The following PHF20 variants were observed in gnomAD, a reference collection of about 807,000 sequenced individuals.
PHF20 encodes glioma-expressed antigen 2.
PHF20 carries 23 observed loss-of-function variants against 113.5 expected under a neutral mutation model. That is an observed-to-expected ratio of 0.20 (90% CI 0.15 to 0.29). The LOEUF is 0.29. Ranked by LOEUF, PHF20 falls within the 10% of genes least tolerant of loss-of-function variation. PHF20 has a pLI of 1.00. For synonymous variants in PHF20, 434 were observed against 457.3 expected, an observed-to-expected ratio of 0.95 and a Z score of 0.65; for missense variants, 943 against 1,219.6, an observed-to-expected ratio of 0.77 and a Z score of 3.38.
chr20:35,842,575 A>G lies in PHF20; in HGVS notation c.86A>G (p.Tyr29Cys). The G allele has an allele frequency of 6.2e-7, 1 of 1,607,612 alleles. No homozygotes were observed. The highest frequency in any genetic ancestry group is 8.5e-7 in the Non-Finnish European group (1 of 1,178,134). Reference protein sequence around the residue: ...LEARDRLKNWYPAHIEDIDYE... With the variant: ...LEARDRLKNWCPAHIEDIDYE... ...CAATTTTTTTTTTTCTGACTCAGGT[A>G]TCCAGCTCACATAGAAGACATTGAC... The change falls in exon 3 of 18, where the codon TAT (tyrosine) becomes TGT (cysteine). Residue 29 changes from tyrosine (Y) to cysteine (C), a missense_variant and splice_region_variant. This residue lies in a region of PHF20 where 592 missense variants were observed against 787.2 expected (regional missense o/e 0.75). Transcript: ENST00000374012.
At chr20:35,879,344 A>G (rs1372024354) in intron 9 of PHF20, among the ~76,000 whole-genome samples, 3 of 152,194 alleles carry the variant, frequency 2.0e-5, no homozygotes, top group Non-Finnish European at 4.4e-5. Context: ...TAACTTATGG[A>G]TTCTAGTTTA....
chr20:35,819,367 A>T (rs1166883386), intron 2 of PHF20, among the ~76,000 whole-genome samples: 1 of 152,128 alleles, frequency 6.6e-6, no homozygotes, highest in Non-Finnish European at 1.5e-5. Flanking sequence ...GTCATCTGTC[A>T]GGAGTGTGCC....
Position 35,898,345 on chromosome 20 carries a change from T to C in PHF20, c.1283-1025T>C, listed in dbSNP as rs117197004. Reference sequence around the variant, plus strand: ...TACTGAGGAATGTTCCCTATTTCCGTCCACACAGATAGGTACCAGGATGGT... The same window carrying C: ...TACTGAGGAATGTTCCCTATTTCCGCCCACACAGATAGGTACCAGGATGGT... On this transcript the variant is annotated intron_variant, in intron 9 of 17. Coordinates refer to ENST00000374012, the MANE Select transcript of PHF20 (RefSeq NM_016436.5). Among the ~76,000 whole-genome samples, 775 of 152,364 alleles carry C rather than the reference T, an allele frequency of 5.1e-3. 8 individuals are homozygous for C. Among genetic ancestry groups the C allele is most frequent in the Middle Eastern group, 0.01 (3 of 294 alleles).
rs753749754 is a variant in PHF20, at chr20:35,863,342, A to G, written c.750A>G (p.Gln250=). The change falls in exon 6 of 18, where the codon CAA becomes CAG. Residue 250 remains glutamine, a synonymous_variant. Transcript: ENST00000374012. ...KPENDIVKSP[Q]ENLREPKRKR... ...AAAATGACATTGTGAAGAGTCCACA[A>G]GAAAACTTGAGGGAACCCAAAAGAA... is the stretch of plus-strand genomic sequence containing the variant. 1.6e-5 allele frequency: 25 copies of G among 1,611,534 alleles called. No individual in the cohort carries two copies. Among genetic ancestry groups the G allele is most frequent in the Non-Finnish European group, 2.1e-5 (25 of 1,179,474 alleles).
chr20:35,890,533 G>T (rs1203554189), intron 9 of PHF20, among the ~76,000 whole-genome samples: 1 of 152,166 alleles, frequency 6.6e-6, no homozygotes, highest in Non-Finnish European at 1.5e-5. Flanking sequence ...CAACTGTGAG[G>T]TCAGTGACAA....
chr20:35,799,471 A>AT (rs2041735759), intron 1 of PHF20, among the ~76,000 whole-genome samples: 1 of 151,938 alleles, frequency 6.6e-6, no homozygotes, highest in East Asian at 1.9e-4. Context: ...GTCTAAAAAA[A>AT]ATTTTAAAAA....
At chr20:35,868,520 C>T (rs1209836929) in intron 6 of PHF20, among the ~76,000 whole-genome samples, 4 of 152,126 alleles carry the variant, frequency 2.6e-5, no homozygotes, top group South Asian at 2.1e-4. Flanking sequence ...GCAGGACAAT[C>T]ACTTGAACCC....
chr20:35,876,742 G>T (rs956018905), intron 9 of PHF20, among the ~76,000 whole-genome samples: 22 of 148,774 alleles, frequency 1.5e-4, no homozygotes, highest in African/African-American at 4.7e-4. Flanking sequence ...AGGCCAAGAC[G>T]GGCAGATCAC....
intron 1 of PHF20, among the ~76,000 whole-genome samples, chr20:35,776,102 C>G (rs1353032661): frequency 6.6e-6 from 1 of 152,202 alleles, no homozygotes; most frequent in African/African-American, 2.4e-5. Context: ...AGCTGCCATG[C>G]CTGGCTATTG....
At chr20:35,843,536 A>G (rs2042568836) in intron 3 of PHF20, among the ~76,000 whole-genome samples, 1 of 151,458 alleles carries the variant, frequency 6.6e-6, no homozygotes, top group South Asian at 2.1e-4. Flanking sequence ...AAAAAAAAAA[A>G]AAAAAAAGTG....
In PHF20 at chr20:35,899,583, C is replaced by T; in HGVS notation, c.1496C>T (p.Pro499Leu). 1.2e-6 allele frequency: 2 copies of T among 1,614,172 alleles called. No individual in the cohort carries two copies. Among genetic ancestry groups the T allele is most frequent in the South Asian group, 1.1e-5 (1 of 91,084 alleles). ...AAGAGGCATGTCCAAACCAGGGGCC[C>T]TTCAGCTTCAGACAAGCCCAGCCAG... ...PGKRHVQTRG[P>L]SASDKPSQET... is the part of the protein sequence containing the mutation. Residue 499 changes from proline to leucine, a missense_variant, in exon 10 of 18, where the codon CCT becomes CTT. By Grantham distance (98) the Pro-to-Leu change is moderately conservative (BLOSUM62 -3). This residue lies in a region of PHF20 where 592 missense variants were observed against 787.2 expected (regional missense o/e 0.75). Coordinates refer to ENST00000374012, the MANE Select transcript of PHF20 (RefSeq NM_016436.5).
chr20:35,806,584 C>A (rs750741886), intron 2 of PHF20, among the ~76,000 whole-genome samples: 2 of 152,124 alleles, frequency 1.3e-5, no homozygotes, highest in Non-Finnish European at 2.9e-5. Flanking sequence ...ATAGTCCATT[C>A]TTTCCCTATT....
At chr20:35,888,223 C>T (rs1262674672) in intron 9 of PHF20, among the ~76,000 whole-genome samples, 2 of 152,124 alleles carry the variant, frequency 1.3e-5, no homozygotes, top group African/African-American at 4.8e-5. Context: ...TCAGGTGACC[C>T]ACCCACCTTG....
intron 10 of PHF20, among the ~76,000 whole-genome samples, chr20:35,906,802 A>T (rs998778565): frequency 2.0e-5 from 3 of 152,138 alleles, no homozygotes; most frequent in African/African-American, 7.2e-5. Context: ...GAAGAAGTGG[A>T]GAAATAGTGT....
At chr20:35,947,350 GC>G in intron 17 of PHF20, 134 bp from the exon 18 acceptor site, 2 of 781,384 alleles carry the variant, frequency 2.6e-6, no homozygotes, top group South Asian at 4.6e-5. Flanking sequence ...TTCCTCCCTT[GC>G]CCCATGGAGG....
intron 9 of PHF20, among the ~76,000 whole-genome samples, chr20:35,887,247 T>G (rs1434895395): frequency 2.0e-5 from 3 of 152,174 alleles, no homozygotes; most frequent in African/African-American, 7.2e-5. Flanking sequence ...CTCTATATTA[T>G]CTATTGCTGT....
intron 3 of PHF20, among the ~76,000 whole-genome samples, chr20:35,843,285 G>A (rs981765218): frequency 4.6e-5 from 7 of 151,480 alleles, no homozygotes; most frequent in Admixed American, 6.6e-5. Context: ...TTTGGGAGGC[G>A]GAGACAGGCA....
At chr20:35,899,812 G>A (rs967738500) in intron 10 of PHF20, among the ~76,000 whole-genome samples, 164 bp downstream of exon 10, 5 of 152,190 alleles carry the variant, frequency 3.3e-5, no homozygotes, top group Non-Finnish European at 7.4e-5. Flanking sequence ...CGGAGCTGTG[G>A]CCTTCCTACA....
intron 3 of PHF20, among the ~76,000 whole-genome samples, chr20:35,845,957 G>C (rs960550424): frequency 6.6e-6 from 1 of 151,844 alleles, no homozygotes; most frequent in African/African-American, 2.4e-5. Context: ...TGTATTTTTA[G>C]TAGAGGTGGG....
Sources: allele counts gnomAD v4.1 joint callset (sites outside exome capture counted in the v4.1 genomes callset), GRCh38; gene constraint gnomAD v4.1.1; regional missense constraint gnomAD v4.1.1; transcripts MANE v1.5; gene names NCBI Gene and HGNC (gene_info 2026-07-23, HGNC 2026-07-21).